Variants in METTL15 observed in about 807,000 individuals in gnomAD.
METTL15 encodes 12S rRNA N(4)-cytidine methyltransferase METTL15.
In METTL15, 34 loss-of-function variants were observed where a neutral mutation model predicts 38.3. The observed-to-expected ratio is 0.89, with a 90% CI of 0.68 to 1.18. The LOEUF is 1.18. Ranked by LOEUF, METTL15 falls within the 50% of genes most tolerant of loss-of-function variation. METTL15 has a pLI of 0.00. For synonymous variants in METTL15, 162 were observed against 170.9 expected, an observed-to-expected ratio of 0.95 and a Z score of 0.41; for missense variants, 438 against 498.4, an observed-to-expected ratio of 0.88 and a Z score of 1.15.
chr11:28,170,441 C>G (rs1252164878), intron 3 of METTL15, among the ~76,000 whole-genome samples: 1 of 151,916 alleles, frequency 6.6e-6, no homozygotes, highest in African/African-American at 2.4e-5. Context: ...TGGGGTGAGT[C>G]CATAAAGTGA....
intron 3 of METTL15, among the ~76,000 whole-genome samples, chr11:28,175,872 C>A (rs535263041): frequency 6.7e-4 from 102 of 151,974 alleles, no homozygotes; most frequent in Non-Finnish European, 1.1e-3. Context: ...CCTCAAGAAT[C>A]TCATATATTG....
chr11:28,382,051 C>T (rs962124406), intron 5 of METTL15, among the ~76,000 whole-genome samples: 2 of 152,020 alleles, frequency 1.3e-5, no homozygotes, highest in South Asian at 2.1e-4. Flanking sequence ...TACCTGTGGA[C>T]CTTCTTTCTT....
In METTL15 at chr11:28,330,909, C is replaced by T. The variant is rs1849799517; in HGVS notation, c.*68C>T. ...TCTAATCTTTACTCATGTTATGTCC[C>T]TGAATGTCTTGGTATAGGTTTAAGT... On this transcript the variant is annotated 3_prime_UTR_variant, in exon 7 of 7. Coordinates refer to ENST00000407364, the MANE Select transcript of METTL15 (RefSeq NM_001113528.2). 3.4e-6 allele frequency: 4 copies of T among 1,192,696 alleles called. No homozygotes were observed. In the Admixed American group the frequency reaches 8.1e-5, roughly 24 times the overall value. The allele number at this position is 1,192,696 out of a possible 1,614,324, so 73.9% of individuals were successfully genotyped here.
In METTL15 at chr11:28,269,803, A is replaced by C. The variant is rs1855570943; in HGVS notation, c.408-20403A>C. ...ATATGTGCTGTGCATCCATGCATGGAGTTAAAGTCCCTTGACTCCTGAGCC... is the reference window on the plus strand; with the variant it reads ...ATATGTGCTGTGCATCCATGCATGGCGTTAAAGTCCCTTGACTCCTGAGCC... On this transcript the variant is annotated intron_variant, in intron 4 of 6. Transcript: ENST00000407364. Among the ~76,000 whole-genome samples the C allele has an allele frequency of 5.9e-5, 9 of 152,196 alleles. No homozygotes were observed. The South Asian group carries it at 1.9e-3, about 31-fold the overall frequency.
At chr11:28,220,447 A>C (rs1291583177) in intron 4 of METTL15, among the ~76,000 whole-genome samples, 1 of 152,034 alleles carries the variant, frequency 6.6e-6, no homozygotes, top group African/African-American at 2.4e-5. Flanking sequence ...TTTTGAGCCT[A>C]TGTGTGTCTC....
intron 3 of METTL15, among the ~76,000 whole-genome samples, chr11:28,152,680 A>C (rs1388867420): frequency 6.6e-6 from 1 of 151,984 alleles, no homozygotes; most frequent in Non-Finnish European, 1.5e-5. Context: ...TCCTTATATA[A>C]AATGATGTCA....
At chr11:28,261,049 C>CT (rs1423938288) in intron 4 of METTL15, 1 of 152,100 alleles carries the variant, frequency 6.6e-6, no homozygotes, top group Non-Finnish European at 1.5e-5. Flanking sequence ...ACGTGTTTGT[C>CT]TTTTATCATC....
chr11:28,359,433 A>G lies in METTL15; in HGVS notation c.*259-2504A>G, dbSNP rs576537199. Among the ~76,000 whole-genome samples, 8 of 152,296 alleles carry G rather than the reference A, an allele frequency of 5.3e-5. No homozygotes were observed. In the South Asian group the frequency reaches 1.7e-3, roughly 32 times the overall value. On this transcript the variant is annotated intron_variant and NMD_transcript_variant, in intron 4 of 7. Coordinates refer to the METTL15 transcript ENST00000532947. ...GAACATTTTATTTTCCTTTGGGTAT[A>G]TACCTAGTAATGGGATTGCTGAGTT...
chr11:28,504,857 ACTAATT>A (rs1414406584), intron 6 of METTL15, among the ~76,000 whole-genome samples: 2 of 152,230 alleles, frequency 1.3e-5, no homozygotes, highest in Non-Finnish European at 2.9e-5. Context: ...CGTAACATGC[ACTAATT>A]CTTTCTTTCT....
intron 3 of METTL15, among the ~76,000 whole-genome samples, chr11:28,168,339 TA>T (rs908238638): frequency 6.2e-4 from 89 of 143,116 alleles, no homozygotes; most frequent in Middle Eastern, 3.6e-3. Flanking sequence ...AATTGAGAAA[TA>T]AAAAAAAAAA....
intron 3 of METTL15, among the ~76,000 whole-genome samples, chr11:28,146,031 A>G (rs1354170562): frequency 3.3e-5 from 5 of 152,010 alleles, no homozygotes; most frequent in Admixed American, 3.3e-4. Context: ...TGTTGGTTAT[A>G]TTATTTATAT....
At chr11:28,241,858 G>GC (rs1854313506) in intron 4 of METTL15, among the ~76,000 whole-genome samples, 1 of 152,282 alleles carries the variant, frequency 6.6e-6, no homozygotes, top group East Asian at 1.9e-4. Context: ...ATGTCAGAAG[G>GC]CTAATGGGTG....
chr11:28,521,063 A>T (rs1851761072), intron 6 of METTL15, among the ~76,000 whole-genome samples: 2 of 151,806 alleles, frequency 1.3e-5, no homozygotes, highest in Admixed American at 1.3e-4. Flanking sequence ...ATATGCAGTG[A>T]TGCATGTTCC....
At chr11:28,148,031 C>T (rs1280352205) in intron 3 of METTL15, among the ~76,000 whole-genome samples, 1 of 151,770 alleles carries the variant, frequency 6.6e-6, no homozygotes, top group Admixed American at 6.6e-5. Context: ...GTCTTCTTAT[C>T]CAACCTCATT....
intron 4 of METTL15, among the ~76,000 whole-genome samples, chr11:28,229,731 G>A (rs1018018952): frequency 4.0e-5 from 6 of 151,850 alleles, no homozygotes; most frequent in Non-Finnish European, 5.9e-5. Context: ...ATAAATTTCC[G>A]TTTCAATAAA....
At chr11:28,320,496 C>A (rs1168481274) in intron 6 of METTL15, among the ~76,000 whole-genome samples, 2 of 151,972 alleles carry the variant, frequency 1.3e-5, no homozygotes, top group Non-Finnish European at 2.9e-5. Context: ...GGGTTCAAGG[C>A]TGCAGTGTGA....
rs71449180 is a variant in METTL15, at chr11:28,506,736, C to CTTT, written c.*425-19718_*425-19716dup. 2.2e-4 allele frequency among the ~76,000 whole-genome samples: 24 copies of CTTT among 111,620 alleles called. 1 individual carries two copies. The highest frequency in any genetic ancestry group is 2.9e-4 in the South Asian group (1 of 3,390). 73.2% of individuals were successfully genotyped at this position (111,620 alleles called of 152,430 possible). A position where few individuals can be genotyped will look rare whatever the true frequency, so the allele number is the denominator to read the frequency against. ...CTGAATTGCTAATCAATCTCAGTCT[C>CTTT]TTTTTTTTTTTTTTTTTTTTTTTTT... On this transcript the variant is annotated intron_variant and NMD_transcript_variant, in intron 6 of 7. Transcript: ENST00000532947.
intron 3 of METTL15, among the ~76,000 whole-genome samples, chr11:28,345,007 C>G (rs1849984450): frequency 6.6e-6 from 1 of 152,100 alleles, no homozygotes; most frequent in African/African-American, 2.4e-5. Context: ...AGTTCAATAT[C>G]CAGTGTTTAT....
chr11:28,175,216 C>A (rs895483378), intron 3 of METTL15, among the ~76,000 whole-genome samples: 5 of 151,604 alleles, frequency 3.3e-5, no homozygotes, highest in African/African-American at 9.7e-5. Flanking sequence ...TTTGTCCTTG[C>A]GATAGTTTGC....
Sources: allele counts gnomAD v4.1 joint callset (sites outside exome capture counted in the v4.1 genomes callset), GRCh38; gene constraint gnomAD v4.1.1; transcripts MANE v1.5; gene names NCBI Gene and HGNC (gene_info 2026-07-23, HGNC 2026-07-21).